UGT1A9: variants seen among roughly 807,000 people sequenced by gnomAD.
The protein encoded by UGT1A9 is UDP-glucuronosyltransferase 1A9.
A neutral mutation model predicts 45.0 loss-of-function variants in UGT1A9; 35 were observed. That is an observed-to-expected ratio of 0.78 (90% CI 0.59 to 1.03). The LOEUF (loss-of-function observed/expected upper bound fraction) is 1.03. Ranked by LOEUF, UGT1A9 falls within the 50% of genes least tolerant of loss-of-function variation. The pLI, the probability that UGT1A9 is intolerant of heterozygous loss-of-function variation, is 0.00. For synonymous variants in UGT1A9, 278 were observed against 250.6 expected (o/e 1.11, Z -1.03); for missense variants, 687 against 666.6 (o/e 1.03, Z -0.34).
rs186890365 is a variant in UGT1A9, at chr2:233,713,915, T to C, written c.855+41126T>C. ...TCCAGGCAAAACACTTTTTAAAAAA[T>C]GTATTTACTTACAAGTGCTTCCATA... On this transcript the variant is annotated intron_variant, in intron 1 of 4. Coordinates refer to ENST00000354728, the MANE Select transcript of UGT1A9 (RefSeq NM_021027.3). The C allele has an allele frequency of 2.9e-3, 4,603 of 1,612,454 alleles. 7 individuals are homozygous for C. Among genetic ancestry groups the C allele is most frequent in the Non-Finnish European group, 3.4e-3 (3,989 of 1,179,862 alleles).
intron 1 of UGT1A9, chr2:233,743,217 C>G: frequency 2.4e-6 from 1 of 409,784 alleles, no homozygotes; most frequent in Non-Finnish European, 4.8e-6. Context: ...AGTAACTGCT[C>G]TTTGCTATTT....
chr2:233,719,924 C>T (rs1442690759), intron 1 of UGT1A9, among the ~76,000 whole-genome samples: 2 of 152,124 alleles, frequency 1.3e-5, no homozygotes, highest in Admixed American at 6.5e-5. Context: ...CTGTGACTCA[C>T]GGACAGTGTT....
intron 1 of UGT1A9, among the ~76,000 whole-genome samples, chr2:233,737,264 C>T (rs890532000): frequency 3.3e-5 from 5 of 152,196 alleles, no homozygotes; most frequent in South Asian, 2.1e-4. Flanking sequence ...TCAGCAATGG[C>T]GGACACCCCT....
chr2:233,680,695 G>A (rs953367999), intron 1 of UGT1A9, among the ~76,000 whole-genome samples: 3 of 152,170 alleles, frequency 2.0e-5, no homozygotes, highest in African/African-American at 4.8e-5. Context: ...ATGAAAACAG[G>A]TAGAAGATGT....
intron 1 of UGT1A9, among the ~76,000 whole-genome samples, chr2:233,723,802 C>T (rs1164778615): frequency 1.3e-4 from 6 of 44,668 alleles, no homozygotes; most frequent in Non-Finnish European, 3.8e-5. Context: ...ATCCATTTAA[C>T]CCTGAGTGGA....
chr2:233,680,149 G>C (rs1329361985), intron 1 of UGT1A9, among the ~76,000 whole-genome samples: 1 of 151,918 alleles, frequency 6.6e-6, no homozygotes. Flanking sequence ...AAGTTTTTTT[G>C]GTAATGTCAT....
intron 1 of UGT1A9, among the ~76,000 whole-genome samples, chr2:233,759,856 C>T (rs1446471980): frequency 2.0e-5 from 3 of 152,092 alleles, no homozygotes; most frequent in Admixed American, 6.6e-5. Context: ...GTTTCCATGG[C>T]GAAAGCGGGG....
At chr2:233,760,987 G>T in intron 1 of UGT1A9, 1 of 1,614,140 alleles carries the variant, frequency 6.2e-7, no homozygotes. Context: ...TGCAACCCTT[G>T]CCTCAGAATT....
intron 1 of UGT1A9, among the ~76,000 whole-genome samples, chr2:233,676,997 A>AT (rs1303405574): frequency 1.6e-4 from 24 of 149,520 alleles, no homozygotes; most frequent in South Asian, 4.3e-4. Context: ...GTTACCTCTA[A>AT]TTTTTTTTTT....
At chr2:233,712,971 C>T (rs374909970) in intron 1 of UGT1A9, 564 of 1,612,936 alleles carry the variant, frequency 3.5e-4, no homozygotes, top group Non-Finnish European at 4.5e-4. Context: ...GGACAGTCAG[C>T]TGTCGGTGGC....
chr2:233,768,591 T>C, intron 4 of UGT1A9, 152 bp downstream of exon 4: 1 of 1,076,328 alleles, frequency 9.3e-7, no homozygotes, highest in Non-Finnish European at 1.2e-6. Context: ...TCTTTTTTTT[T>C]TTTTTTTTTT....
At chr2:233,746,247 A>C (rs939163155) in intron 1 of UGT1A9, among the ~76,000 whole-genome samples, 2 of 151,776 alleles carry the variant, frequency 1.3e-5, no homozygotes, top group Admixed American at 6.6e-5. Flanking sequence ...AAAAGATACA[A>C]GGCAGAACAG....
chr2:233,755,226 G>A lies in UGT1A9; in HGVS notation c.856-11808G>A, dbSNP rs529614771. The A allele has an allele frequency of 5.1e-6, 5 of 975,542 alleles. No homozygotes were observed. In the East Asian group the frequency reaches 1.5e-4, roughly 29 times the overall value. 60.4% of individuals were successfully genotyped at this position (975,542 alleles called of 1,614,324 possible). On this transcript the variant is annotated intron_variant, in intron 1 of 4. Transcript: ENST00000354728. ...GTACGCCTTCTTGATACCCTCGGAC[G>A]AGGCCTACCGGGGTACTCCCAGCAC...
chr2:233,713,793 C>T (rs2076346799), intron 1 of UGT1A9: 2 of 1,613,928 alleles, frequency 1.2e-6, no homozygotes, highest in African/African-American at 1.3e-5. Context: ...TTACCCCAGG[C>T]CGATCATGCC....
intron 1 of UGT1A9, among the ~76,000 whole-genome samples, chr2:233,730,211 C>G (rs186476397): frequency 6.6e-6 from 1 of 152,112 alleles, no homozygotes; most frequent in East Asian, 1.9e-4. Flanking sequence ...GAAGTAGACA[C>G]GAATGTTTGT....
At chr2:233,734,729 GT>G (rs200668434) in intron 1 of UGT1A9, among the ~76,000 whole-genome samples, 10,395 of 152,166 alleles carry the variant, frequency 0.068, 499 homozygotes, top group East Asian at 0.2. Flanking sequence ...GTTCTCGTCG[GT>G]TTCAAAGAAC....
At chr2:233,717,513 G>C (rs867962435) in intron 1 of UGT1A9, among the ~76,000 whole-genome samples, 30 of 152,358 alleles carry the variant, frequency 2.0e-4, no homozygotes, top group Non-Finnish European at 3.5e-4. Context: ...TCTAATGGGA[G>C]TAACTTCCTC....
At chr2:233,717,941 A>G in intron 1 of UGT1A9, 1 of 453,744 alleles carries the variant, frequency 2.2e-6, no homozygotes, top group Middle Eastern at 6.9e-4. Context: ...GTCTCTATGC[A>G]GACTTGCAGA....
At chr2:233,755,082 T>C (rs971081603) in intron 1 of UGT1A9, 16 of 1,336,710 alleles carry the variant, frequency 1.2e-5, no homozygotes, top group Middle Eastern at 2.1e-4. Context: ...GTCATAGATA[T>C]CGCGTTTCTA....
Sources: allele counts gnomAD v4.1 joint callset (sites outside exome capture counted in the v4.1 genomes callset), GRCh38; gene constraint gnomAD v4.1.1; transcripts MANE v1.5; gene names NCBI Gene and HGNC (gene_info 2026-07-23, HGNC 2026-07-21).